CDC73: variants seen among roughly 807,000 people sequenced by gnomAD.
The protein encoded by CDC73 is cell division cycle 73.
A neutral mutation model predicts 83.7 loss-of-function variants in CDC73; 21 were observed. The observed-to-expected ratio is 0.25, with a 90% CI of 0.18 to 0.36. The LOEUF (loss-of-function observed/expected upper bound fraction) is 0.36. CDC73 is among the 10% of genes least tolerant of loss of function. The pLI, the probability that CDC73 is intolerant of heterozygous loss-of-function variation, is 1.00. For missense variants in CDC73, 342 were observed against 653.3 expected, an observed-to-expected ratio of 0.52 and a Z score of 5.19; for synonymous variants, 224 against 212.9, an observed-to-expected ratio of 1.05 and a Z score of -0.45.
rs184119278 is a variant in CDC73 at position 193,251,438 on chromosome 1, G to T, written c.*726G>T. 1 of 231,910 alleles carries T rather than the reference G, an allele frequency of 4.3e-6. No homozygotes were observed. The highest frequency in any genetic ancestry group is 2.2e-5 in the African/African-American group (1 of 45,242). 14.4% of individuals were successfully genotyped at this position (231,910 alleles called of 1,614,324 possible). On this transcript the variant is annotated 3_prime_UTR_variant, in exon 17 of 17. Transcript: ENST00000367435. ...CAGATTAAAACCACAATAGGCTGTA[G>T]TATTTTTTATTTTGGGAGCCAGAGT...
At chr1:193,153,568 T>C (rs992283854) in intron 10 of CDC73, among the ~76,000 whole-genome samples, 6 of 152,208 alleles carry the variant, frequency 3.9e-5, no homozygotes, top group Admixed American at 3.9e-4. Flanking sequence ...CGTGGGCTTT[T>C]ACGTGTTTTA....
At chr1:193,123,833 A>G (rs1202260456) in intron 1 of CDC73, among the ~76,000 whole-genome samples, 3 of 152,220 alleles carry the variant, frequency 2.0e-5, no homozygotes, top group Non-Finnish European at 2.9e-5. Context: ...TGCTTTCTAT[A>G]AGTTGATGTG....
At chr1:193,157,292 T>C (rs1676224558) in intron 10 of CDC73, among the ~76,000 whole-genome samples, 1 of 152,206 alleles carries the variant, frequency 6.6e-6, no homozygotes. Flanking sequence ...TAGTGGATTA[T>C]TACATTACAT....
At chr1:193,196,893 CAT>C (rs1334289746) in intron 10 of CDC73, among the ~76,000 whole-genome samples, 2 of 152,136 alleles carry the variant, frequency 1.3e-5, no homozygotes, top group African/African-American at 4.8e-5. Context: ...CATCTGCAAA[CAT>C]ATTTTACCTC....
intron 10 of CDC73, among the ~76,000 whole-genome samples, chr1:193,190,927 G>A (rs1676907601): frequency 6.6e-6 from 1 of 152,136 alleles, no homozygotes; most frequent in African/African-American, 2.4e-5. Context: ...ATTTTTAAGG[G>A]CATTTTAGGG....
intron 10 of CDC73, among the ~76,000 whole-genome samples, chr1:193,199,547 A>G (rs1211684591): frequency 6.6e-6 from 1 of 151,886 alleles, no homozygotes; most frequent in African/African-American, 2.4e-5. Context: ...CTCTGTTTCT[A>G]CTAAAAATAC....
intron 10 of CDC73, among the ~76,000 whole-genome samples, chr1:193,162,305 A>G (rs1185580722): frequency 1.6e-5 from 2 of 128,494 alleles, no homozygotes; most frequent in South Asian, 2.3e-4. Flanking sequence ...TATATATACT[A>G]TATATTATAT....
At chr1:193,177,026 A>G (rs1450228485) in intron 10 of CDC73, among the ~76,000 whole-genome samples, 1 of 151,732 alleles carries the variant, frequency 6.6e-6, no homozygotes, top group Non-Finnish European at 1.5e-5. Flanking sequence ...GATCAGATAT[A>G]CTCTCTTTTC....
At chr1:193,243,297 G>T (rs1214528376) in intron 15 of CDC73, among the ~76,000 whole-genome samples, 1 of 151,944 alleles carries the variant, frequency 6.6e-6, no homozygotes, top group Admixed American at 6.6e-5. Context: ...TTCTGAATAG[G>T]AAAGATTTTT....
chr1:193,208,693 T>C (rs1223505755), intron 11 of CDC73, among the ~76,000 whole-genome samples: 1 of 152,222 alleles, frequency 6.6e-6, no homozygotes, highest in Non-Finnish European at 1.5e-5. Flanking sequence ...GTAAACTTAA[T>C]ATTGCTTAAA....
chr1:193,150,430 T>C, intron 9 of CDC73, 48 bp downstream of exon 9: 1 of 1,316,122 alleles, frequency 7.6e-7, no homozygotes, highest in Non-Finnish European at 1.1e-6. Flanking sequence ...TGTGTTGAAC[T>C]TGAGAGGCAG....
chr1:193,148,011 C>T (rs769526684), intron 8 of CDC73, 46 bp downstream of exon 8: 15 of 1,228,460 alleles, frequency 1.2e-5, no homozygotes, highest in Non-Finnish European at 1.7e-5. Context: ...GAAGTTGCCA[C>T]TTATATTGCA....
intron 13 of CDC73, among the ~76,000 whole-genome samples, chr1:193,227,987 G>C (rs1211861170): frequency 6.6e-6 from 1 of 152,194 alleles, no homozygotes; most frequent in African/African-American, 2.4e-5. Flanking sequence ...TCTAAGCTGA[G>C]AGTGGAGTTG....
In CDC73 at chr1:193,245,625, C is replaced by A. The variant is rs534770959; in HGVS notation, c.1418-4105C>A. ...GGTGCAGATATCTCTTCAGTATACT[C>A]ATTTCCTTTCATTTGGATAAATGCC... is the stretch of plus-strand genomic sequence containing the variant. On this transcript the variant is annotated intron_variant, in intron 15 of 16. Coordinates refer to ENST00000367435, the MANE Select transcript of CDC73 (RefSeq NM_024529.5). Among the ~76,000 whole-genome samples, 35 of 152,178 alleles carry A rather than the reference C, an allele frequency of 2.3e-4. No individual in the cohort carries two copies. The South Asian group carries it at 6.8e-3, about 30-fold the overall frequency.
intron 10 of CDC73, among the ~76,000 whole-genome samples, chr1:193,197,966 A>G (rs1023055469): frequency 3.3e-5 from 5 of 151,848 alleles, no homozygotes; most frequent in African/African-American, 1.2e-4. Context: ...GCAAAGAATG[A>G]ATGTTGTTTA....
rs1432706003 is a variant in CDC73 at position 193,162,168 on chromosome 1, ATAAT to A, written c.972+9725_972+9728del. ...TTATATATTATCTATTATATTGTAT[ATAAT>A]ATATATTATATATTATCTATTATAT... On this transcript the variant is annotated intron_variant, in intron 10 of 16. Transcript: ENST00000367435. 3.5e-4 allele frequency among the ~76,000 whole-genome samples: 38 copies of A among 107,110 alleles called. 3 individuals carry two copies. In the East Asian group the frequency reaches 6.5e-3, roughly 18 times the overall value. 70.3% of individuals were successfully genotyped at this position (107,110 alleles called of 152,430 possible).
At chr1:193,186,103 C>G (rs1341824223) in intron 10 of CDC73, 1 of 153,030 alleles carries the variant, frequency 6.5e-6, no homozygotes, top group South Asian at 2.1e-4. Flanking sequence ...AAAAAAGATG[C>G]TATCGAACAT....
At chr1:193,183,892 G>C (rs1676762168) in intron 10 of CDC73, among the ~76,000 whole-genome samples, 8 of 151,492 alleles carry the variant, frequency 5.3e-5, no homozygotes, top group Admixed American at 5.3e-4. Flanking sequence ...GTAAGAAGGA[G>C]TAAACAATAA....
chr1:193,140,492 G>A (rs930421921), intron 6 of CDC73, among the ~76,000 whole-genome samples: 1 of 152,144 alleles, frequency 6.6e-6, no homozygotes, highest in Admixed American at 6.5e-5. Context: ...TCACCTTGTC[G>A]TTTAAGGGAA....
Sources: gnomAD v4.1 joint callset for allele counts (sites outside exome capture counted in the v4.1 genomes callset) on GRCh38, gnomAD v4.1.1 for gene constraint, MANE v1.5 for transcripts, NCBI Gene and HGNC (gene_info 2026-07-23, HGNC 2026-07-21) for gene names.